Variants in MYZAP observed in about 807,000 individuals in gnomAD.
MYZAP encodes the protein myocardial zonula adherens protein, also known as GRINL1A complex locus upstream.
In MYZAP, 66 loss-of-function variants were observed where a neutral mutation model predicts 69.4. The observed-to-expected ratio is 0.95, with a 90% confidence interval of 0.78 to 1.17. MYZAP has a LOEUF of 1.17. Ranked by LOEUF, MYZAP falls within the 50% of genes most tolerant of loss-of-function variation. The pLI, the probability that MYZAP is intolerant of heterozygous loss-of-function variation, is 0.00. For missense variants in MYZAP, 611 were observed against 556.2 expected (o/e 1.10, Z -0.99); for synonymous variants, 256 against 205.9 (o/e 1.24, Z -2.09).
intron 11 of MYZAP, among the ~76,000 whole-genome samples, chr15:57,673,832 C>G (rs940987994): frequency 1.5e-4 from 23 of 152,112 alleles, no homozygotes; most frequent in African/African-American, 5.6e-4. Flanking sequence ...CTTGTGTTAC[C>G]TAGTGTCTTA....
chr15:57,608,428 G>A (rs2034895300), intron 2 of MYZAP, among the ~76,000 whole-genome samples: 1 of 152,204 alleles, frequency 6.6e-6, no homozygotes, highest in Non-Finnish European at 1.5e-5. Context: ...AACAGAGTCA[G>A]CACCTTCTTA....
chr15:57,656,946 C>T (rs1252148373), intron 10 of MYZAP, among the ~76,000 whole-genome samples: 1 of 152,204 alleles, frequency 6.6e-6, no homozygotes, highest in Non-Finnish European at 1.5e-5. Flanking sequence ...CTCCCCAGAA[C>T]CAAGTGTCTC....
At chr15:57,684,260 T>C in intron 12 of MYZAP, 142 bp from the exon 13 acceptor site, 1 of 624,212 alleles carries the variant, frequency 1.6e-6, no homozygotes, top group Admixed American at 2.9e-5. Context: ...TTTGTAATAT[T>C]TAAGTGAAAT....
intron 10 of MYZAP, among the ~76,000 whole-genome samples, chr15:57,656,614 G>A (rs769137171): frequency 6.6e-6 from 1 of 152,152 alleles, no homozygotes; most frequent in Non-Finnish European, 1.5e-5. Context: ...GCGTCACTTG[G>A]GAAAGGGATG....
chr15:57,592,373 C>T (rs965451653), intron 1 of MYZAP, among the ~76,000 whole-genome samples: 1 of 152,176 alleles, frequency 6.6e-6, no homozygotes, highest in Non-Finnish European at 1.5e-5. Flanking sequence ...TCTGTCAAGC[C>T]GAGTTTATTG....
At chr15:57,594,626 G>C (rs2033937587) in intron 1 of MYZAP, among the ~76,000 whole-genome samples, 1 of 152,152 alleles carries the variant, frequency 6.6e-6, no homozygotes, top group Non-Finnish European at 1.5e-5. Flanking sequence ...TAGGTGTGTG[G>C]TAGGCTATAC....
chr15:57,600,416 A>G (rs1189411127), intron 1 of MYZAP, among the ~76,000 whole-genome samples: 2 of 152,138 alleles, frequency 1.3e-5, no homozygotes, highest in African/African-American at 4.8e-5. Flanking sequence ...ATTTTATTTT[A>G]TGCATTCTGT....
At chr15:57,625,557 T>C (rs919982098) in intron 4 of MYZAP, among the ~76,000 whole-genome samples, 6 of 152,226 alleles carry the variant, frequency 3.9e-5, no homozygotes, top group Admixed American at 3.3e-4. Context: ...ACAGTGTTGT[T>C]GAGAGGGCTA....
At chr15:57,621,249 C>T (rs1405008744) in intron 3 of MYZAP, among the ~76,000 whole-genome samples, 6 of 128,480 alleles carry the variant, frequency 4.7e-5, no homozygotes, top group Admixed American at 4.5e-4. Flanking sequence ...CTTGCTCTGT[C>T]ACCCAGGCTG....
chr15:57,631,256 C>T (rs2036488251), intron 6 of MYZAP, among the ~76,000 whole-genome samples: 1 of 152,048 alleles, frequency 6.6e-6, no homozygotes, highest in African/African-American at 2.4e-5. Context: ...ATGTGTGTGT[C>T]CTGTTCAGTC....
Position 57,647,276 on chromosome 15 carries a change from C to T in MYZAP, c.1119+7731C>T, listed in dbSNP as rs539222211. ...ACCATTAATATTGTTCACCTGTGCA[C>T]GGTGCTGTGTTTAGACACAGATCCC... is the stretch of plus-strand genomic sequence containing the variant. On this transcript the variant is annotated intron_variant, in intron 10 of 12. Transcript: ENST00000267853. 35 of 985,424 alleles carry T rather than the reference C, an allele frequency of 3.6e-5. No individual in the cohort carries two copies. In the African/African-American group the frequency reaches 3.8e-4, roughly 11 times the overall value. 61.0% of individuals were successfully genotyped at this position (985,424 alleles called of 1,614,324 possible). A position where few individuals can be genotyped will look rare whatever the true frequency, so the allele number is the denominator to read the frequency against.
intron 3 of MYZAP, among the ~76,000 whole-genome samples, chr15:57,619,407 C>T (rs1245013719): frequency 6.6e-6 from 1 of 152,182 alleles, no homozygotes; most frequent in African/African-American, 2.4e-5. Flanking sequence ...GGCTGGAGTG[C>T]AGTGGCACAA....
At chr15:57,679,729 T>G (rs2039335208) in intron 12 of MYZAP, among the ~76,000 whole-genome samples, 1 of 152,162 alleles carries the variant, frequency 6.6e-6, no homozygotes, top group South Asian at 2.1e-4. Context: ...TCCGGTACTT[T>G]CTGCAAAGAT....
intron 12 of MYZAP, among the ~76,000 whole-genome samples, chr15:57,681,200 C>T (rs4774279): frequency 0.89 from 135,242 of 152,228 alleles, 61,540 homozygotes; most frequent in Non-Finnish European, 0.98. Context: ...CACAAATAGC[C>T]ATCTGGCTTC....
intron 1 of MYZAP, among the ~76,000 whole-genome samples, chr15:57,593,211 CA>C (rs1436477005): frequency 6.6e-6 from 1 of 151,142 alleles, no homozygotes; most frequent in African/African-American, 2.5e-5. Flanking sequence ...CACACACACA[CA>C]CACCCCAGAA....
intron 10 of MYZAP, among the ~76,000 whole-genome samples, chr15:57,640,676 G>T (rs2037099254): frequency 6.6e-6 from 1 of 152,152 alleles, no homozygotes; most frequent in African/African-American, 2.4e-5. Context: ...TGTGAGTATG[G>T]GAAGGGACAT....
chr15:57,630,694 C>T lies in MYZAP; in HGVS notation c.678+840C>T, dbSNP rs529733498. On this transcript the variant is annotated intron_variant, in intron 6 of 12. Transcript: ENST00000267853. ...TTAAACTGTGGATAGACTTCCTACC[C>T]GGTGACAGGAGCAGATCCATGAATG... is the stretch of plus-strand genomic sequence containing the variant. Among the ~76,000 whole-genome samples the T allele has an allele frequency of 1.4e-4, 21 of 152,270 alleles. No individual in the cohort carries two copies. The East Asian group carries it at 2.9e-3, about 21-fold the overall frequency.
At chr15:57,597,614 T>G (rs535044095) in intron 1 of MYZAP, among the ~76,000 whole-genome samples, 1 of 152,306 alleles carries the variant, frequency 6.6e-6, no homozygotes, top group African/African-American at 2.4e-5. Context: ...TCTTGGCGTT[T>G]GGGGCACATT....
chr15:57,668,101 G>A (rs1237746335), intron 11 of MYZAP, among the ~76,000 whole-genome samples: 1 of 152,160 alleles, frequency 6.6e-6, no homozygotes, highest in African/African-American at 2.4e-5. Context: ...ATAATGATTT[G>A]AGGCGCATCT....
Sources: gnomAD v4.1 joint callset for allele counts (sites outside exome capture counted in the v4.1 genomes callset) on GRCh38, gnomAD v4.1.1 for gene constraint, MANE v1.5 for transcripts, NCBI Gene and HGNC (gene_info 2026-07-23, HGNC 2026-07-21) for gene names.